The following VPS29 variants were observed in gnomAD, a reference collection of about 807,000 sequenced individuals.
VPS29 encodes VPS29 retromer complex component.
In VPS29, 2 loss-of-function variants were observed where a neutral mutation model predicts 20.0. That is an observed-to-expected ratio of 0.10 (90% CI 0.04 to 0.31). VPS29 has a LOEUF of 0.31. Ranked by LOEUF, VPS29 falls within the 10% of genes least tolerant of loss-of-function variation. VPS29 has a pLI of 1.00. For missense variants in VPS29, 120 were observed against 215.3 expected, an observed-to-expected ratio of 0.56 and a Z score of 2.77; for synonymous variants, 81 against 79.3, an observed-to-expected ratio of 1.02 and a Z score of -0.12.
chr12:110,499,571 G>A, intron 1 of VPS29: 1 of 1,570,258 alleles, frequency 6.4e-7, no homozygotes, highest in African/African-American at 1.4e-5. Flanking sequence ...GAAGTTGATT[G>A]CAGACAGGGG....
chr12:110,497,515 C>G (rs963249423), intron 1 of VPS29, among the ~76,000 whole-genome samples: 4 of 151,756 alleles, frequency 2.6e-5, no homozygotes, highest in African/African-American at 9.7e-5. Flanking sequence ...CCACGCCTGG[C>G]CTAATTTAAA....
At chr12:110,501,031 T>G (rs2063018438) in intron 1 of VPS29, among the ~76,000 whole-genome samples, 1 of 151,786 alleles carries the variant, frequency 6.6e-6, no homozygotes, top group South Asian at 2.1e-4. Flanking sequence ...AATACAAAAA[T>G]TTAGACGGGC....
intron 2 of VPS29, among the ~76,000 whole-genome samples, chr12:110,493,759 C>A (rs1185756442): frequency 6.6e-6 from 1 of 152,066 alleles, no homozygotes; most frequent in Non-Finnish European, 1.5e-5. Context: ...ATCATGCAAC[C>A]CCTTTATTGT....
chr12:110,493,952 G>A (rs2062858295), intron 2 of VPS29, among the ~76,000 whole-genome samples: 1 of 152,054 alleles, frequency 6.6e-6, no homozygotes. Flanking sequence ...ATAGTACTTA[G>A]TATGAGCCAG....
At chr12:110,498,144 G>T (rs1163102192) in intron 1 of VPS29, among the ~76,000 whole-genome samples, 1 of 151,842 alleles carries the variant, frequency 6.6e-6, no homozygotes, top group East Asian at 1.9e-4. Context: ...GCTAATTTTT[G>T]TATTTTTAGT....
intron 1 of VPS29, among the ~76,000 whole-genome samples, chr12:110,497,873 T>A (rs2062933616): frequency 6.6e-6 from 1 of 151,620 alleles, no homozygotes; most frequent in African/African-American, 2.4e-5. Context: ...TGGCACTGGA[T>A]GCCACTGGCA....
chr12:110,501,850 C>G, intron 1 of VPS29, 199 bp downstream of exon 1: 2 of 1,366,564 alleles, frequency 1.5e-6, no homozygotes, highest in East Asian at 5.0e-5. Flanking sequence ...GATACGAGAC[C>G]TAGGCCAGCC....
At chr12:110,501,329 ACACCG>A in intron 1 of VPS29, 2 of 1,514,442 alleles carry the variant, frequency 1.3e-6, no homozygotes, top group Non-Finnish European at 1.8e-6. Flanking sequence ...TAAGTCTCCA[ACACCG>A]GCACTCTCCC....
intron 1 of VPS29, chr12:110,501,628 C>T (rs1165017713): frequency 2.6e-6 from 4 of 1,533,968 alleles, no homozygotes; most frequent in Non-Finnish European, 3.5e-6. Flanking sequence ...GAGAGGCCAG[C>T]TTCCACCACT....
chr12:110,499,273 T>C (rs2062955993), intron 1 of VPS29: 3 of 395,796 alleles, frequency 7.6e-6, no homozygotes, highest in African/African-American at 2.0e-5. Flanking sequence ...TAGTGTTACA[T>C]AACACGTGTC....
At chr12:110,499,621 GA>G (rs2062963159) in intron 1 of VPS29, 8 of 1,072,382 alleles carry the variant, frequency 7.5e-6, no homozygotes, top group Non-Finnish European at 1.1e-5. Flanking sequence ...AATGTTAAAA[GA>G]AAGCAACAAA....
chr12:110,500,752 ATT>A lies in VPS29; in HGVS notation c.3+1295_3+1296del, dbSNP rs60375403. On this transcript the variant is annotated intron_variant, in intron 1 of 3. Coordinates refer to ENST00000549578, the MANE Select transcript of VPS29 (RefSeq NM_016226.5). ...ATCACAGCTCCATTTCAAACAATTGATTTTTTTTTTTTTTTTGAGCAGCAGCA... is the reference window on the plus strand; with the variant it reads ...ATCACAGCTCCATTTCAAACAATTGATTTTTTTTTTTTTTGAGCAGCAGCA... Among the ~76,000 whole-genome samples, 375 of 144,842 alleles carry A rather than the reference ATT, an allele frequency of 2.6e-3. 1 individual carries two copies. Among genetic ancestry groups the A allele is most frequent in the African/African-American group, 8.1e-3 (321 of 39,494 alleles).
intron 2 of VPS29, among the ~76,000 whole-genome samples, chr12:110,494,736 T>C (rs1055603822): frequency 2.6e-5 from 4 of 151,932 alleles, no homozygotes; most frequent in African/African-American, 9.7e-5. Context: ...CTTTTTCTTT[T>C]TGAGATAGAG....
At chr12:110,498,531 T>C (rs977339111) in intron 1 of VPS29, among the ~76,000 whole-genome samples, 2 of 152,150 alleles carry the variant, frequency 1.3e-5, no homozygotes, top group South Asian at 2.1e-4. Context: ...CAAAAGAAGC[T>C]TGATTTATCT....
intron 1 of VPS29, 56 bp downstream of exon 1, chr12:110,501,993 C>T: frequency 6.2e-7 from 1 of 1,613,108 alleles, no homozygotes; most frequent in South Asian, 1.1e-5. Flanking sequence ...CGGCTCCCAA[C>T]AACGCAGCAC....
chr12:110,493,650 C>T (rs1592991225), intron 2 of VPS29, among the ~76,000 whole-genome samples: 2 of 152,210 alleles, frequency 1.3e-5, no homozygotes, highest in East Asian at 3.8e-4. Context: ...GCCTGAGCCA[C>T]TGTGCCCACC....
intron 1 of VPS29, chr12:110,501,813 G>T: frequency 8.6e-7 from 1 of 1,159,374 alleles, no homozygotes; most frequent in South Asian, 1.3e-5. Flanking sequence ...TTTACCCCTT[G>T]GATGGCCTCT....
At position 110,491,737 on chromosome 12, in the gene VPS29, A is replaced by C; in HGVS notation, c.*268T>G. On this transcript the variant is annotated 3_prime_UTR_variant, in exon 4 of 4. Coordinates refer to ENST00000549578, the MANE Select transcript of VPS29 (RefSeq NM_016226.5). ...ATAAAGTTCCAAATATCAACTTTGA[A>C]GATACTTACAAGGATAAATTTTTCT... The C allele has an allele frequency of 3.2e-6, 1 of 311,312 alleles. No homozygotes were observed. Among genetic ancestry groups the C allele is most frequent in the Non-Finnish European group, 5.9e-6 (1 of 170,240 alleles). 19.3% of individuals were successfully genotyped at this position (311,312 alleles called of 1,614,324 possible). A position where few individuals can be genotyped will look rare whatever the true frequency, so the allele number is the denominator to read the frequency against.
chr12:110,499,487 CA>C (rs1565863669), intron 1 of VPS29: 1 of 1,610,848 alleles, frequency 6.2e-7, no homozygotes, highest in Non-Finnish European at 8.5e-7. Flanking sequence ...AGTCAGTAAA[CA>C]GCCACCCAAC....
Sources: allele counts gnomAD v4.1 joint callset (sites outside exome capture counted in the v4.1 genomes callset), GRCh38; gene constraint gnomAD v4.1.1; transcripts MANE v1.5; gene names NCBI Gene and HGNC (gene_info 2026-07-23, HGNC 2026-07-21).